CHM: variants seen among roughly 807,000 people sequenced by gnomAD.
CHM encodes CHM Rab escort protein, also known as rab proteins geranylgeranyltransferase component A 1.
A neutral mutation model predicts 49.0 loss-of-function variants in CHM; 10 were observed. That is an observed-to-expected ratio of 0.20 (90% CI 0.13 to 0.35). The LOEUF (loss-of-function observed/expected upper bound fraction) is 0.35. Ranked by LOEUF, CHM falls within the 10% of genes least tolerant of loss-of-function variation. The probability of loss-of-function intolerance (pLI) is 1.00; values close to 1 mark genes in which losing one functional copy is unlikely to be tolerated. For synonymous variants in CHM, 184 were observed against 167.5 expected (o/e 1.10, Z -0.76); for missense variants, 455 against 478.4 (o/e 0.95, Z 0.46).
At chrX:86,041,193 A>G in intron 1 of CHM, among the ~76,000 whole-genome samples, 1 of 111,551 alleles carries the variant, frequency 9.0e-6, no homozygotes, top group East Asian at 2.8e-4. Context: ...GGAGATGAAA[A>G]TGATGCTGCA....
At chrX:85,935,523 C>T (rs1307322950) in intron 8 of CHM, among the ~76,000 whole-genome samples, 1 of 111,908 alleles carries the variant, frequency 8.9e-6, no homozygotes, top group African/African-American at 3.2e-5. Flanking sequence ...AGGCTATATG[C>T]TATATAGCCT....
chrX:85,887,734 G>A (rs190183324), intron 12 of CHM, among the ~76,000 whole-genome samples: 8 of 111,321 alleles, frequency 7.2e-5, no homozygotes, highest in South Asian at 3.8e-4. Flanking sequence ...GGTCTCAGAC[G>A]GAGATGAGGA....
chrX:85,900,544 T>C (rs1373365298), intron 11 of CHM, 102 bp downstream of exon 11: 1 of 555,896 alleles, frequency 1.8e-6, no homozygotes, highest in Non-Finnish European at 3.1e-6. Context: ...TAAAGACATA[T>C]GTTAATTAGC....
intron 8 of CHM, among the ~76,000 whole-genome samples, chrX:85,931,521 A>G: frequency 8.9e-6 from 1 of 112,061 alleles, no homozygotes; most frequent in Non-Finnish European, 1.9e-5. Context: ...GGAAACACAC[A>G]TATCAGTTGT....
chrX:85,897,522 G>A (rs1347508504), intron 11 of CHM, among the ~76,000 whole-genome samples: 1 of 109,890 alleles, frequency 9.1e-6, no homozygotes, highest in Non-Finnish European at 1.9e-5. Context: ...TACACACGTG[G>A]TGGTGGGGCA....
chrX:85,870,436 C>T (rs1310983480), intron 14 of CHM, among the ~76,000 whole-genome samples: 1 of 112,170 alleles, frequency 8.9e-6, no homozygotes, highest in African/African-American at 3.2e-5. Flanking sequence ...AAGTGACTGG[C>T]TAATCTGTCC....
chrX:85,906,872 G>A (rs1185476735), intron 9 of CHM, among the ~76,000 whole-genome samples: 6 of 112,045 alleles, frequency 5.4e-5, no homozygotes, highest in Non-Finnish European at 9.4e-5. Flanking sequence ...GGTGGCTCAC[G>A]CCTGTAATAC....
chrX:85,872,914 G>GA (rs1924174323), intron 14 of CHM, 138 bp downstream of exon 14: 1 of 509,636 alleles, frequency 2.0e-6, no homozygotes, highest in Non-Finnish European at 3.2e-6. Flanking sequence ...GTAGGTCATA[G>GA]AAAAAACTTT....
intron 4 of CHM, among the ~76,000 whole-genome samples, chrX:85,972,853 A>G (rs1485687414): frequency 8.9e-6 from 1 of 112,410 alleles, no homozygotes; most frequent in African/African-American, 3.2e-5. Context: ...CCAAAGTGGG[A>G]ACCCAGGCAG....
chrX:85,868,019 C>CTGTG (rs36027427), intron 14 of CHM, among the ~76,000 whole-genome samples: 2,917 of 95,716 alleles, frequency 0.03, 29 homozygotes, highest in African/African-American at 0.047. Context: ...ATAGTTACCA[C>CTGTG]TGTGTGTGTG....
intron 2 of CHM, among the ~76,000 whole-genome samples, chrX:85,983,104 G>T (rs1397703112): frequency 1.8e-5 from 2 of 111,361 alleles, no homozygotes; most frequent in Non-Finnish European, 3.8e-5. Context: ...CAGATTTTAG[G>T]CTCAAGCATT....
intron 8 of CHM, among the ~76,000 whole-genome samples, chrX:85,927,254 C>G (rs1247101992): frequency 9.0e-6 from 1 of 111,439 alleles, no homozygotes; most frequent in Non-Finnish European, 1.9e-5. Flanking sequence ...TAGGCTCTGA[C>G]AAGAGTATAA....
At chrX:85,893,619 C>A (rs889813035) in intron 12 of CHM, among the ~76,000 whole-genome samples, 10 of 110,741 alleles carry the variant, frequency 9.0e-5, no homozygotes, top group African/African-American at 3.0e-4. Context: ...AAGAGCTCTG[C>A]CCTCATAAAT....
Position 85,963,741 on chromosome X carries a change from T to G in CHM, c.626A>C (p.Gln209Pro), listed in dbSNP as rs769367457. The G allele has an allele frequency of 3.3e-6, 4 of 1,208,867 alleles. No individual in the cohort carries two copies. The South Asian group carries it at 7.0e-5, about 21-fold the overall frequency. Reference protein sequence around the residue: ...NVPIAEDTTEQPKKNRITYSQ... With the variant: ...NVPIAEDTTEPPKKNRITYSQ... ...GTAAGTAATTCTGTTTTTCTTTGGTTGCTCTGTGGTATCTTCTGCTATAGG... is the reference window on the plus strand; with the variant it reads ...GTAAGTAATTCTGTTTTTCTTTGGTGGCTCTGTGGTATCTTCTGCTATAGG... The change falls in exon 5 of 15, where the codon CAA becomes CCA. Residue 209 changes from glutamine (Q) to proline (P), a missense_variant. Coordinates refer to ENST00000357749, the MANE Select transcript of CHM (RefSeq NM_000390.4).
chrX:85,927,385 T>TTTCC (rs1928157523), intron 8 of CHM, among the ~76,000 whole-genome samples: 1 of 111,872 alleles, frequency 8.9e-6, no homozygotes, highest in African/African-American at 3.3e-5. Flanking sequence ...CAGCAAGGAA[T>TTTCC]TTCCCATTTG....
chrX:85,966,661 A>AT (rs1282211275), intron 4 of CHM, among the ~76,000 whole-genome samples: 1 of 112,349 alleles, frequency 8.9e-6, no homozygotes, highest in East Asian at 2.8e-4. Context: ...TCCACACCTA[A>AT]TTTTTTGTTT....
chrX:85,896,050 A>C (rs1925807286), intron 11 of CHM, among the ~76,000 whole-genome samples: 1 of 107,105 alleles, frequency 9.3e-6, no homozygotes, highest in African/African-American at 3.4e-5. Flanking sequence ...GAATTCCCTC[A>C]ACCCTCTACT....
At chrX:85,923,685 CAA>C (rs1234919527) in intron 8 of CHM, among the ~76,000 whole-genome samples, 1 of 111,486 alleles carries the variant, frequency 9.0e-6, no homozygotes, top group Admixed American at 9.6e-5. Flanking sequence ...TTACCTAGTA[CAA>C]GAGAGAGACA....
At chrX:85,982,436 A>G (rs1603270063) in intron 2 of CHM, among the ~76,000 whole-genome samples, 1 of 112,427 alleles carries the variant, frequency 8.9e-6, no homozygotes, top group Admixed American at 9.4e-5. Flanking sequence ...AATAAGTATA[A>G]TAGAAACAAA....
Sources: gnomAD v4.1 joint callset for allele counts (sites outside exome capture counted in the v4.1 genomes callset) on GRCh38, gnomAD v4.1.1 for gene constraint, MANE v1.5 for transcripts, NCBI Gene and HGNC (gene_info 2026-07-23, HGNC 2026-07-21) for gene names.